The following COLEC12 variants were observed in gnomAD, a reference collection of about 807,000 sequenced individuals.
COLEC12 encodes collectin-12.
COLEC12 carries 33 observed loss-of-function variants against 71.1 expected under a neutral mutation model. That is an observed-to-expected ratio of 0.46 (90% CI 0.35 to 0.62). The LOEUF is 0.62. Ranked by LOEUF, COLEC12 falls within the 20% of genes least tolerant of loss-of-function variation. The pLI, the probability that COLEC12 is intolerant of heterozygous loss-of-function variation, is 0.00. For missense variants in COLEC12, 765 were observed against 916.1 expected, an observed-to-expected ratio of 0.84 and a Z score of 2.13; for synonymous variants, 350 against 353.0, an observed-to-expected ratio of 0.99 and a Z score of 0.10.
intron 2 of COLEC12, among the ~76,000 whole-genome samples, chr18:389,520 C>T (rs368171281): frequency 9.2e-5 from 14 of 151,538 alleles, no homozygotes; most frequent in South Asian, 2.1e-4. Flanking sequence ...CCTCATGGTC[C>T]GCCCACCTCG....
chr18:363,801 T>C (rs1365885062), intron 2 of COLEC12, among the ~76,000 whole-genome samples: 2 of 152,172 alleles, frequency 1.3e-5, no homozygotes, highest in East Asian at 1.9e-4. Flanking sequence ...TGATGAAATA[T>C]GGAATTAGTA....
At chr18:326,103 T>C (rs1032435120) in intron 8 of COLEC12, among the ~76,000 whole-genome samples, 1 of 152,218 alleles carries the variant, frequency 6.6e-6, no homozygotes, top group Non-Finnish European at 1.5e-5. Context: ...AGGTTTCTAA[T>C]ATATGTAATT....
intron 2 of COLEC12, among the ~76,000 whole-genome samples, chr18:358,540 G>T (rs537725241): frequency 6.6e-6 from 1 of 152,276 alleles, no homozygotes; most frequent in African/African-American, 2.4e-5. Context: ...CAGGATTCGC[G>T]CTTCTTTGAG....
intron 1 of COLEC12, among the ~76,000 whole-genome samples, chr18:481,509 A>G (rs999127235): frequency 6.6e-6 from 1 of 152,012 alleles, no homozygotes; most frequent in Non-Finnish European, 1.5e-5. Flanking sequence ...GTTCGAGCCC[A>G]GCCTGGCCAA....
At chr18:354,439 G>A (rs588029) in intron 3 of COLEC12, among the ~76,000 whole-genome samples, 98,821 of 152,174 alleles carry the variant, frequency 0.65, 32,638 homozygotes, top group South Asian at 0.73. Flanking sequence ...GCCTTTGCCA[G>A]CTCTGATAAA....
intron 2 of COLEC12, among the ~76,000 whole-genome samples, chr18:443,774 G>A (rs12957669): frequency 0.13 from 19,563 of 152,218 alleles, 1,708 homozygotes; most frequent in East Asian, 0.37. Flanking sequence ...CCCAGTGGTG[G>A]AGGTGGGGCC....
At chr18:389,824 C>T (rs1269750303) in intron 2 of COLEC12, among the ~76,000 whole-genome samples, 1 of 152,246 alleles carries the variant, frequency 6.6e-6, no homozygotes, top group Non-Finnish European at 1.5e-5. Flanking sequence ...CAGAAGAGTA[C>T]TTCTGAAAAG....
chr18:432,025 C>T (rs939614294), intron 2 of COLEC12, among the ~76,000 whole-genome samples: 3 of 152,142 alleles, frequency 2.0e-5, no homozygotes, highest in African/African-American at 7.2e-5. Flanking sequence ...AAAATCCAAC[C>T]CAAGAAGGCT....
chr18:322,109 A>G (rs7236292), intron 8 of COLEC12, among the ~76,000 whole-genome samples: 53,197 of 151,936 alleles, frequency 0.35, 9,591 homozygotes, highest in Middle Eastern at 0.39. Context: ...TTAGATGAAT[A>G]ACTTTCTAAT....
intron 2 of COLEC12, among the ~76,000 whole-genome samples, chr18:429,837 T>C (rs952292443): frequency 6.6e-6 from 1 of 152,122 alleles, no homozygotes; most frequent in African/African-American, 2.4e-5. Context: ...TCCTCATCCA[T>C]CTATCTACCC....
chr18:368,488 C>A (rs368891108), intron 2 of COLEC12, among the ~76,000 whole-genome samples: 2 of 151,554 alleles, frequency 1.3e-5, no homozygotes, highest in Non-Finnish European at 2.9e-5. Context: ...GCAGAAGAAT[C>A]GCTCGATCCT....
At chr18:494,837 G>A (rs987002474) in intron 1 of COLEC12, among the ~76,000 whole-genome samples, 4 of 152,120 alleles carry the variant, frequency 2.6e-5, no homozygotes, top group African/African-American at 9.7e-5. Context: ...AACGTCACAG[G>A]CTAGTGAATA....
chr18:498,637 C>T (rs1917759268), intron 1 of COLEC12, among the ~76,000 whole-genome samples: 1 of 152,084 alleles, frequency 6.6e-6, no homozygotes, highest in East Asian at 1.9e-4. Context: ...GCTGGGATTA[C>T]AGGTGTGAGC....
In COLEC12 at chr18:371,870, G is replaced by A. The variant is rs540614480; in HGVS notation, c.59-14348C>T. Among the ~76,000 whole-genome samples the A allele has an allele frequency of 6.6e-5, 10 of 152,222 alleles. No individual in the cohort carries two copies. The East Asian group carries it at 1.5e-3, about 24-fold the overall frequency. On this transcript the variant is annotated intron_variant, in intron 2 of 9. Transcript: ENST00000400256. Reference sequence around the variant, plus strand: ...AAGAGAGTGAGGGGAAACAAACTGCGGTATGAAACTAACATCTGCACAGCA... The same window carrying A: ...AAGAGAGTGAGGGGAAACAAACTGCAGTATGAAACTAACATCTGCACAGCA...
At chr18:450,055 T>G (rs1307490007) in intron 2 of COLEC12, among the ~76,000 whole-genome samples, 1 of 152,234 alleles carries the variant, frequency 6.6e-6, no homozygotes, top group African/African-American at 2.4e-5. Flanking sequence ...GTGAAGAAAT[T>G]AGGCATAGAT....
Position 346,715 on chromosome 18 carries a change from T to C in COLEC12, c.907A>G (p.Ile303Val). The C allele has an allele frequency of 6.2e-7, 1 of 1,614,126 alleles. No individual in the cohort carries two copies. The highest frequency in any genetic ancestry group is 8.5e-7 in the Non-Finnish European group (1 of 1,180,022). Residue 303 changes from isoleucine (I) to valine (V), a missense_variant, in exon 5 of 10, where the codon ATC becomes GTC. Ile to Val is a conservative substitution (Grantham distance 29, BLOSUM62 3). Coordinates refer to ENST00000400256, the MANE Select transcript of COLEC12 (RefSeq NM_130386.3). This position sits in a 1 kb window ranked among gnomAD's most constrained non-coding sequence, Gnocchi z 4.0. ...FTGQMENITT[I>V]SQANEQNLKD... ...AGGTTCTGCTCGTTGGCTTGAGAGATAGTGGTGATGTTCTCCATCTGACCT... is the reference window on the plus strand; with the variant it reads ...AGGTTCTGCTCGTTGGCTTGAGAGACAGTGGTGATGTTCTCCATCTGACCT...
chr18:354,122 T>C (rs1322762760), intron 3 of COLEC12, among the ~76,000 whole-genome samples: 3 of 152,220 alleles, frequency 2.0e-5, no homozygotes, highest in Admixed American at 1.3e-4. Flanking sequence ...GTTCAGGAAA[T>C]ATTCTGGAAG....
chr18:380,621 G>A (rs937002300), intron 2 of COLEC12, among the ~76,000 whole-genome samples: 63 of 151,890 alleles, frequency 4.1e-4, no homozygotes, highest in Admixed American at 1.2e-3. Context: ...ACACACACAC[G>A]CTTGCAGGAT....
At chr18:496,572 G>T (rs1218424699) in intron 1 of COLEC12, among the ~76,000 whole-genome samples, 1 of 152,240 alleles carries the variant, frequency 6.6e-6, no homozygotes, top group Non-Finnish European at 1.5e-5. Flanking sequence ...TTAAGAACAA[G>T]AAATCTCAGA....
Sources: gnomAD v4.1 joint callset for allele counts (sites outside exome capture counted in the v4.1 genomes callset) on GRCh38, gnomAD v4.1.1 for gene constraint, Gnocchi (gnomAD v3.1) non-coding constraint, MANE v1.5 for transcripts, NCBI Gene and HGNC (gene_info 2026-07-23, HGNC 2026-07-21) for gene names.